Variants in CFAP92 observed in about 807,000 individuals in gnomAD.
CFAP92 encodes the protein cilia and flagella associated protein 92 (putative).
In CFAP92, 86 loss-of-function variants were observed where a neutral mutation model predicts 106.3. The ratio of observed to expected loss-of-function variants is 0.81; its 90% CI spans 0.68 to 0.97. The LOEUF (loss-of-function observed/expected upper bound fraction) is 0.97. CFAP92 is among the 50% of genes least tolerant of loss of function. The pLI is 0.00. For missense variants in CFAP92, 1,204 were observed against 1,283.8 expected (o/e 0.94, Z 0.95); for synonymous variants, 477 against 506.4 (o/e 0.94, Z 0.78).
At chr3:128,943,782 C>T (rs1939903910) in intron 10 of CFAP92, among the ~76,000 whole-genome samples, 1 of 152,028 alleles carries the variant, frequency 6.6e-6, no homozygotes, top group Non-Finnish European at 1.5e-5. Flanking sequence ...GGCAATCCTC[C>T]CGCCTCAGCC....
chr3:128,958,758 G>A (rs990374270), intron 9 of CFAP92, among the ~76,000 whole-genome samples: 1 of 152,066 alleles, frequency 6.6e-6, no homozygotes, highest in Non-Finnish European at 1.5e-5. Flanking sequence ...AAAACTAGCT[G>A]GGTGTGGTGG....
chr3:129,025,491 C>T, the CFAP92 span, among the ~76,000 whole-genome samples: 3 of 152,192 alleles, frequency 2.0e-5, no homozygotes, highest in African/African-American at 7.2e-5. Context: ...GGTGATGTGA[C>T]GGGGACCAAG....
intron 7 of CFAP92, among the ~76,000 whole-genome samples, chr3:128,972,082 G>C (rs1204962832): frequency 6.6e-6 from 1 of 152,210 alleles, no homozygotes; most frequent in African/African-American, 2.4e-5. Flanking sequence ...TTTCAAATCA[G>C]TGGATAAGTT....
At chr3:128,919,622 G>T (rs1937103618) in intron 12 of CFAP92, among the ~76,000 whole-genome samples, 1 of 152,172 alleles carries the variant, frequency 6.6e-6, no homozygotes, top group Admixed American at 6.5e-5. Context: ...GGAGAAAAGG[G>T]AAATAATGGT....
chr3:128,979,612 A>T (rs1943385832), intron 4 of CFAP92, among the ~76,000 whole-genome samples: 1 of 152,182 alleles, frequency 6.6e-6, no homozygotes, highest in South Asian at 2.1e-4. Flanking sequence ...AATACTATGC[A>T]GCCATAAAAA....
chr3:128,937,867 A>G (rs1939207404), intron 10 of CFAP92, among the ~76,000 whole-genome samples: 1 of 152,152 alleles, frequency 6.6e-6, no homozygotes, highest in Non-Finnish European at 1.5e-5. Flanking sequence ...GTTCGAGACC[A>G]GCCTTCCCAA....
chr3:129,004,089 C>T (rs1224901357), upstream of CFAP92: 5 of 1,480,586 alleles, frequency 3.4e-6, no homozygotes, highest in Non-Finnish European at 4.5e-6. Flanking sequence ...TGAGCGGGGG[C>T]GCGTGCCCTG....
upstream of CFAP92, among the ~76,000 whole-genome samples, chr3:128,995,940 G>A (rs559301789): frequency 5.3e-5 from 8 of 152,212 alleles, no homozygotes; most frequent in Non-Finnish European, 1.5e-5. Context: ...CAGTTGGGGG[G>A]TCTAGTCTCC....
intron 11 of CFAP92, among the ~76,000 whole-genome samples, chr3:128,933,487 G>C (rs1225538200): frequency 1.3e-5 from 2 of 152,198 alleles, no homozygotes; most frequent in Admixed American, 1.3e-4. Flanking sequence ...GCCATGGCCT[G>C]GTGTGCAGTG....
In CFAP92 at chr3:128,993,313, G is replaced by C; in HGVS notation, c.-9C>G. The C allele has an allele frequency of 6.2e-7, 1 of 1,609,746 alleles. No individual in the cohort carries two copies. The highest frequency in any genetic ancestry group is 8.5e-7 in the Non-Finnish European group (1 of 1,177,710). On this transcript the variant is annotated 5_prime_UTR_variant, in exon 2 of 16. Transcript: ENST00000645291. ...CAGGCATGTAGCGACATGCTGCAGA[G>C]CGCACTGCTGGCCGCCGGCGCTCCT...
Position 128,935,195 on chromosome 3 carries a change from G to C in CFAP92, c.2383C>G (p.Leu795Val), listed in dbSNP as rs568082818. 9.8e-6 allele frequency: 15 copies of C among 1,536,108 alleles called. No individual in the cohort carries two copies. Among genetic ancestry groups the C allele is most frequent in the Middle Eastern group, 1.7e-4 (1 of 5,988 alleles). Residue 795 changes from leucine (L) to valine (V), a missense_variant, in exon 11 of 16, where the codon CTG (leucine) becomes GTG (valine). Leu to Val is a conservative substitution (Grantham distance 32). Transcript: ENST00000645291. Reference sequence around the variant, plus strand: ...AAGAACACCGCCTGCTGCAGCAGCAGCTCCGTGGGCTGGAAGAGGTGCACG... The same window carrying C: ...AAGAACACCGCCTGCTGCAGCAGCACCTCCGTGGGCTGGAAGAGGTGCACG... ...YHVHLFQPTE[L>V]LLQQAVFFLR...
intron 9 of CFAP92, among the ~76,000 whole-genome samples, chr3:128,959,350 G>A (rs1941688177): frequency 6.6e-6 from 1 of 152,136 alleles, no homozygotes; most frequent in Non-Finnish European, 1.5e-5. Flanking sequence ...AAACTCTGAA[G>A]GCAAATGATT....
At chr3:128,913,992 T>C (rs1296743531) in intron 15 of CFAP92, among the ~76,000 whole-genome samples, 1 of 152,192 alleles carries the variant, frequency 6.6e-6, no homozygotes, top group Admixed American at 6.5e-5. Flanking sequence ...TACATGCCAA[T>C]GGAGAATGGC....
At chr3:128,948,988 A>C (rs1940531134) in intron 9 of CFAP92, among the ~76,000 whole-genome samples, 1 of 152,226 alleles carries the variant, frequency 6.6e-6, no homozygotes, top group African/African-American at 2.4e-5. Context: ...TCCGTCAGGG[A>C]ACTACAAATT....
chr3:129,016,002 C>T, the CFAP92 span, among the ~76,000 whole-genome samples: 1 of 152,162 alleles, frequency 6.6e-6, no homozygotes, highest in Non-Finnish European at 1.5e-5. Context: ...CTGCAGCTTC[C>T]TGAGACTTGC....
chr3:129,017,317 T>G, the CFAP92 span, among the ~76,000 whole-genome samples: 1 of 152,238 alleles, frequency 6.6e-6, no homozygotes, highest in East Asian at 1.9e-4. Context: ...TTTGGATGGC[T>G]GAATTTGGTT....
chr3:128,975,144 A>T (rs940717342), intron 7 of CFAP92, among the ~76,000 whole-genome samples: 3 of 151,298 alleles, frequency 2.0e-5, no homozygotes, highest in Non-Finnish European at 4.4e-5. Flanking sequence ...AAAATAAAAT[A>T]AAAAGAGTAA....
chr3:129,014,381 G>A, the CFAP92 span, among the ~76,000 whole-genome samples: 67 of 152,334 alleles, frequency 4.4e-4, 1 homozygote, highest in Admixed American at 9.1e-4. This position sits in a 1 kb window ranked among gnomAD's most constrained non-coding sequence, Gnocchi z 4.3. Flanking sequence ...ACCAGAGTGC[G>A]GTGTCGCAGC....
At chr3:128,921,094 G>A (rs959559389) in intron 12 of CFAP92, among the ~76,000 whole-genome samples, 4 of 152,122 alleles carry the variant, frequency 2.6e-5, no homozygotes, top group Admixed American at 6.6e-5. Flanking sequence ...CCATACTAGT[G>A]TTGGCCCCCT....
Sources: gnomAD v4.1 joint callset for allele counts (sites outside exome capture counted in the v4.1 genomes callset) on GRCh38, gnomAD v4.1.1 for gene constraint, Gnocchi (gnomAD v3.1) non-coding constraint, MANE v1.5 for transcripts, NCBI Gene and HGNC (gene_info 2026-07-23, HGNC 2026-07-21) for gene names.